CSRNP3: variants seen among roughly 807,000 people sequenced by gnomAD.
The protein encoded by CSRNP3 is cysteine/serine-rich nuclear protein 3.
In CSRNP3, 12 loss-of-function variants were observed where a neutral mutation model predicts 48.0. That is an observed-to-expected ratio of 0.25 (90% CI 0.16 to 0.41). The LOEUF (loss-of-function observed/expected upper bound fraction) is 0.41. Among genes scored for constraint, CSRNP3 ranks in the 10% least tolerant of loss-of-function variants. The pLI, the probability that CSRNP3 is intolerant of heterozygous loss-of-function variation, is 1.00. For synonymous variants in CSRNP3, 263 were observed against 269.7 expected, an observed-to-expected ratio of 0.98 and a Z score of 0.24; for missense variants, 580 against 724.4, an observed-to-expected ratio of 0.80 and a Z score of 2.29.
intron 2 of CSRNP3, among the ~76,000 whole-genome samples, chr2:165,508,630 GA>G (rs1056050840): frequency 6.6e-5 from 10 of 151,914 alleles, no homozygotes; most frequent in Admixed American, 5.9e-4. Flanking sequence ...ATTCTAAGAG[GA>G]ATTTTTAGTC....
intron 1 of CSRNP3, among the ~76,000 whole-genome samples, chr2:165,478,376 A>T (rs1009404286): frequency 2.6e-5 from 4 of 152,110 alleles, no homozygotes; most frequent in African/African-American, 9.7e-5. Flanking sequence ...ATTTTTAAAA[A>T]TTTTCACTCT....
At chr2:165,577,079 CAT>C (rs1240879234) in intron 3 of CSRNP3, among the ~76,000 whole-genome samples, 2 of 151,392 alleles carry the variant, frequency 1.3e-5, no homozygotes, top group African/African-American at 2.4e-5. Flanking sequence ...CTCAAAATCA[CAT>C]GTGTAGGTTT....
intron 3 of CSRNP3, among the ~76,000 whole-genome samples, chr2:165,566,215 A>C (rs950548730): frequency 5.4e-4 from 82 of 152,122 alleles, no homozygotes; most frequent in African/African-American, 1.9e-3. Context: ...GAGATAAAAA[A>C]AAATCTTAGC....
chr2:165,501,599 G>T (rs1684360187), intron 2 of CSRNP3, among the ~76,000 whole-genome samples: 2 of 152,140 alleles, frequency 1.3e-5, no homozygotes. Context: ...GGCAGGCATT[G>T]TGCTGAATGC....
At chr2:165,677,580 G>A (rs1358443334) in intron 6 of CSRNP3, among the ~76,000 whole-genome samples, 11 of 103,254 alleles carry the variant, frequency 1.1e-4, no homozygotes, top group African/African-American at 3.7e-4. Flanking sequence ...AAAGATTCAT[G>A]AGTAAAAAAA....
chr2:165,562,621 T>C (rs1334100994), intron 3 of CSRNP3, among the ~76,000 whole-genome samples: 2 of 152,170 alleles, frequency 1.3e-5, no homozygotes, highest in Non-Finnish European at 1.5e-5. Context: ...GATAGCTGTC[T>C]CAAAGCTTGT....
At chr2:165,573,909 C>G (rs1249961456) in intron 3 of CSRNP3, among the ~76,000 whole-genome samples, 1 of 151,870 alleles carries the variant, frequency 6.6e-6, no homozygotes, top group Non-Finnish European at 1.5e-5. Flanking sequence ...GCCTTCCACA[C>G]GTATTTAAAT....
At chr2:165,530,465 A>C (rs1400660567) in intron 3 of CSRNP3, among the ~76,000 whole-genome samples, 1 of 152,194 alleles carries the variant, frequency 6.6e-6, no homozygotes, top group Non-Finnish European at 1.5e-5. Context: ...GATTTGTGTA[A>C]GGATGAATGG....
chr2:165,617,822 G>A (rs1686275656), intron 4 of CSRNP3, among the ~76,000 whole-genome samples: 1 of 152,198 alleles, frequency 6.6e-6, no homozygotes, highest in South Asian at 2.1e-4. Flanking sequence ...TTGACCAATT[G>A]TTCCTAGGGG....
chr2:165,611,938 A>C (rs371496354), intron 4 of CSRNP3, among the ~76,000 whole-genome samples: 1 of 152,122 alleles, frequency 6.6e-6, no homozygotes, highest in South Asian at 2.1e-4. Context: ...TATAAAATAA[A>C]ATCTTTGTAA....
At chr2:165,517,746 C>T (rs1158157888) in intron 2 of CSRNP3, 127 bp from the exon 3 acceptor site, 1 of 152,272 alleles carries the variant, frequency 6.6e-6, no homozygotes, top group African/African-American at 2.4e-5. Flanking sequence ...GTATTTAATG[C>T]TTTACTTATA....
At chr2:165,601,486 T>TA (rs1685914092) in intron 4 of CSRNP3, among the ~76,000 whole-genome samples, 1 of 152,222 alleles carries the variant, frequency 6.6e-6, no homozygotes. Flanking sequence ...AGATTTTTTT[T>TA]AATTTATGAA....
In CSRNP3 at chr2:165,472,218, T is replaced by C. The variant is rs77922663; in HGVS notation, c.-283+2478T>C. ...GCTATGGATAGTGAGGAGCATTCAA[T>C]ACACATTTTGACATTAGAATAAGAA... is the stretch of plus-strand genomic sequence containing the variant. On this transcript the variant is annotated intron_variant, in intron 1 of 6. Transcript: ENST00000651982. Among the ~76,000 whole-genome samples, 1,279 of 152,170 alleles carry C rather than the reference T, an allele frequency of 8.4e-3. 22 individuals carry two copies. The highest frequency in any genetic ancestry group is 0.029 in the African/African-American group (1,199 of 41,558).
intron 4 of CSRNP3, among the ~76,000 whole-genome samples, chr2:165,610,149 T>C (rs1425440573): frequency 6.6e-6 from 1 of 152,212 alleles, no homozygotes; most frequent in African/African-American, 2.4e-5. Flanking sequence ...TGCCTTTTTA[T>C]GAAGCCAGTA....
chr2:165,599,283 G>GAA (rs1553478329), intron 4 of CSRNP3, among the ~76,000 whole-genome samples: 271 of 104,824 alleles, frequency 2.6e-3, no homozygotes, highest in African/African-American at 5.0e-3. Context: ...AAGAGAGAGA[G>GAA]AGAAAGAAAG....
chr2:165,642,841 C>T (rs1033174963), intron 4 of CSRNP3, among the ~76,000 whole-genome samples: 10 of 152,168 alleles, frequency 6.6e-5, no homozygotes, highest in African/African-American at 2.4e-4. Flanking sequence ...GGATTATAGA[C>T]GTGAGCCACC....
intron 5 of CSRNP3, among the ~76,000 whole-genome samples, chr2:165,658,785 T>C (rs1687050422): frequency 1.3e-5 from 2 of 152,138 alleles, no homozygotes; most frequent in Non-Finnish European, 2.9e-5. Flanking sequence ...ATGAGACTTA[T>C]CACTACCATG....
At chr2:165,582,443 G>T (rs1391069264) in intron 3 of CSRNP3, among the ~76,000 whole-genome samples, 3 of 152,138 alleles carry the variant, frequency 2.0e-5, no homozygotes, top group Non-Finnish European at 4.4e-5. Context: ...GTTTTGGGTG[G>T]TTTTTTGAGT....
chr2:165,564,022 T>C (rs1434969870), intron 3 of CSRNP3, among the ~76,000 whole-genome samples: 3 of 152,054 alleles, frequency 2.0e-5, no homozygotes, highest in Non-Finnish European at 2.9e-5. Context: ...GTGCCACCTC[T>C]AATCACCCCT....
Sources: gnomAD v4.1 joint callset for allele counts (sites outside exome capture counted in the v4.1 genomes callset) on GRCh38, gnomAD v4.1.1 for gene constraint, MANE v1.5 for transcripts, NCBI Gene and HGNC (gene_info 2026-07-23, HGNC 2026-07-21) for gene names.